SV2C: variants seen among roughly 807,000 people sequenced by gnomAD.
SV2C encodes the protein solute carrier family 22 member B3.
A neutral mutation model predicts 79.7 loss-of-function variants in SV2C; 49 were observed. The observed-to-expected ratio is 0.61, with a 90% CI of 0.49 to 0.78. SV2C has a LOEUF of 0.78. Among genes scored for constraint, SV2C ranks in the 30% least tolerant of loss-of-function variants. The probability of loss-of-function intolerance (pLI) is 0.00; values close to 1 mark genes in which losing one functional copy is unlikely to be tolerated. For synonymous variants in SV2C, 334 were observed against 333.2 expected (o/e 1.00, Z -0.03); for missense variants, 833 against 912.9 (o/e 0.91, Z 1.13).
At chr5:76,036,376 C>G in the SV2C span, among the ~76,000 whole-genome samples, 1 of 152,126 alleles carries the variant, frequency 6.6e-6, no homozygotes, top group Non-Finnish European at 1.5e-5. Context: ...TTTGCAGCAG[C>G]TGGTACTGGT....
chr5:75,944,026 A>AT, the SV2C span, among the ~76,000 whole-genome samples: 1 of 152,158 alleles, frequency 6.6e-6, no homozygotes, highest in Non-Finnish European at 1.5e-5. Flanking sequence ...AACTAATTCT[A>AT]TTTTTTTAAG....
At chr5:75,923,737 CCATAAAAAGT>C in the SV2C span, among the ~76,000 whole-genome samples, 4 of 152,122 alleles carry the variant, frequency 2.6e-5, no homozygotes, top group Admixed American at 6.5e-5. Context: ...GCAAGAATGG[CCATAAAAAGT>C]CAAAAAACAA....
intron 12 of SV2C, among the ~76,000 whole-genome samples, chr5:76,321,624 C>A (rs1380576897): frequency 6.6e-6 from 1 of 151,668 alleles, no homozygotes; most frequent in Non-Finnish European, 1.5e-5. Context: ...GCCTGTAGTC[C>A]CAACTGTTCA....
the SV2C span, chr5:76,075,716 AG>A: frequency 2.8e-6 from 1 of 363,432 alleles, no homozygotes; most frequent in Non-Finnish European, 5.7e-6. Context: ...GCTAGAAAGA[AG>A]GGCACAAACT....
chr5:76,149,234 G>A (rs1749527384), intron 2 of SV2C, among the ~76,000 whole-genome samples: 1 of 152,160 alleles, frequency 6.6e-6, no homozygotes, highest in African/African-American at 2.4e-5. Flanking sequence ...GCTAGGTGTG[G>A]AGCCTGGGAA....
At chr5:76,274,006 A>G (rs925500607) in intron 4 of SV2C, among the ~76,000 whole-genome samples, 1 of 152,244 alleles carries the variant, frequency 6.6e-6, no homozygotes, top group African/African-American at 2.4e-5. Flanking sequence ...TCACCCAGAG[A>G]TACCAGGATA....
intron 4 of SV2C, among the ~76,000 whole-genome samples, chr5:76,217,927 A>G (rs75530683): frequency 0.013 from 1,911 of 152,306 alleles, 40 homozygotes; most frequent in African/African-American, 0.042. Flanking sequence ...CCATGGTGCT[A>G]TCGTTCCCAG....
At chr5:76,269,517 A>G (rs1412165525) in intron 4 of SV2C, among the ~76,000 whole-genome samples, 1 of 152,224 alleles carries the variant, frequency 6.6e-6, no homozygotes, top group Non-Finnish European at 1.5e-5. Context: ...TGGTGGGTGC[A>G]TTATAAATAT....
At chr5:75,883,871 C>A in the SV2C span, among the ~76,000 whole-genome samples, 18 of 151,012 alleles carry the variant, frequency 1.2e-4, no homozygotes, top group Middle Eastern at 3.4e-3. Flanking sequence ...AAAAACATTT[C>A]TTTCAGGTGT....
At chr5:76,084,662 G>A (rs1227392904) in intron 1 of SV2C, among the ~76,000 whole-genome samples, 2 of 149,412 alleles carry the variant, frequency 1.3e-5, no homozygotes, top group Non-Finnish European at 3.0e-5. Context: ...CTACGTGTGC[G>A]AGTGATGCAA....
the SV2C span, among the ~76,000 whole-genome samples, chr5:75,981,129 A>G: frequency 6.6e-6 from 1 of 152,170 alleles, no homozygotes; most frequent in Non-Finnish European, 1.5e-5. Context: ...CCATAAAATG[A>G]ATAAAATACC....
the SV2C span, among the ~76,000 whole-genome samples, chr5:75,987,706 T>C: frequency 6.6e-6 from 1 of 152,070 alleles, no homozygotes; most frequent in Non-Finnish European, 1.5e-5. Flanking sequence ...TAAAAGTAGG[T>C]TTGTTGTTTT....
chr5:76,340,149 A>G (rs189396879), intron 12 of SV2C, among the ~76,000 whole-genome samples: 2 of 152,354 alleles, frequency 1.3e-5, no homozygotes, highest in Non-Finnish European at 2.9e-5. Flanking sequence ...TGCAATGGCA[A>G]TATCAAGAAT....
the SV2C span, among the ~76,000 whole-genome samples, chr5:75,928,232 A>C: frequency 6.6e-6 from 1 of 152,200 alleles, no homozygotes; most frequent in African/African-American, 2.4e-5. Flanking sequence ...CTTTGTATCC[A>C]TTAAAAAATG....
At chr5:76,296,402 G>T (rs905478901) in intron 9 of SV2C, among the ~76,000 whole-genome samples, 1 of 152,142 alleles carries the variant, frequency 6.6e-6, no homozygotes, top group Admixed American at 6.5e-5. Flanking sequence ...CCAGAATTGA[G>T]GTTAAATTGC....
chr5:76,224,050 T>C (rs1745168975), intron 4 of SV2C, among the ~76,000 whole-genome samples: 1 of 152,176 alleles, frequency 6.6e-6, no homozygotes, highest in Non-Finnish European at 1.5e-5. Context: ...CTTTCAGGCA[T>C]ATTGGGGGTT....
chr5:76,313,859 C>A (rs1183940929), intron 12 of SV2C, among the ~76,000 whole-genome samples: 2 of 152,192 alleles, frequency 1.3e-5, no homozygotes, highest in Non-Finnish European at 2.9e-5. Flanking sequence ...GTGAAAAAAT[C>A]ATCTCCGTGG....
chr5:75,993,179 C>T, the SV2C span, among the ~76,000 whole-genome samples: 2 of 151,912 alleles, frequency 1.3e-5, no homozygotes, highest in African/African-American at 2.4e-5. Flanking sequence ...TTACAGTATA[C>T]TAAATAATAA....
intron 4 of SV2C, among the ~76,000 whole-genome samples, chr5:76,282,055 T>C (rs956599098): frequency 3.3e-5 from 5 of 152,234 alleles, no homozygotes; most frequent in African/African-American, 1.2e-4. Context: ...CACTTCATCC[T>C]ATTTGCCTTT....
Sources: allele counts gnomAD v4.1 joint callset (sites outside exome capture counted in the v4.1 genomes callset), GRCh38; gene constraint gnomAD v4.1.1; transcripts MANE v1.5; gene names NCBI Gene and HGNC (gene_info 2026-07-23, HGNC 2026-07-21).